Variants in TENM3 observed in about 807,000 individuals in gnomAD.
The protein encoded by TENM3 is teneurin transmembrane protein 3, also known as teneurin-3.
A neutral mutation model predicts 255.1 loss-of-function variants in TENM3; 63 were observed. That is an observed-to-expected ratio of 0.25 (90% CI 0.20 to 0.30). The LOEUF is 0.30. Ranked by LOEUF, TENM3 falls within the 10% of genes least tolerant of loss-of-function variation. The pLI is 1.00. For missense variants in TENM3, 2,929 were observed against 3,461.1 expected, an observed-to-expected ratio of 0.85 and a Z score of 3.86; for synonymous variants, 1,306 against 1,322.3, an observed-to-expected ratio of 0.99 and a Z score of 0.27.
chr4:182,156,730 C>T (rs773114526), intron 1 of TENM3, among the ~76,000 whole-genome samples: 1 of 151,454 alleles, frequency 6.6e-6, no homozygotes, highest in South Asian at 2.1e-4. Flanking sequence ...CAATAAATCT[C>T]TGCTCTGATT....
chr4:182,597,237 G>A lies in TENM3; in HGVS notation c.512-3687G>A, dbSNP rs538709244. On this transcript the variant is annotated intron_variant, in intron 3 of 27. Transcript: ENST00000511685. ...GGGCAACATAGGGAAACCCCATCTC[G>A]ACAAAATTATATTTTAAAAAAATTA... Among the ~76,000 whole-genome samples, 9 of 152,038 alleles carry A rather than the reference G, an allele frequency of 5.9e-5. No homozygotes were observed. The South Asian group carries it at 6.2e-4, about 11-fold the overall frequency.
At chr4:182,053,706 C>A in the TENM3 span, among the ~76,000 whole-genome samples, 1 of 152,194 alleles carries the variant, frequency 6.6e-6, no homozygotes, top group African/African-American at 2.4e-5. Context: ...GGGAACCCTG[C>A]TTTTGATTTA....
intron 1 of TENM3, among the ~76,000 whole-genome samples, chr4:182,225,082 C>T (rs1211187604): frequency 1.3e-5 from 2 of 152,068 alleles, no homozygotes; most frequent in African/African-American, 4.8e-5. Context: ...TATTTCACCC[C>T]CTATCCTGGC....
the TENM3 span, among the ~76,000 whole-genome samples, chr4:181,548,056 G>A: frequency 7.9e-5 from 12 of 151,806 alleles, no homozygotes; most frequent in South Asian, 6.3e-4. Context: ...GAGAATATGC[G>A]GTGTCTGTTT....
At chr4:182,425,540 G>T (rs1465841272) in intron 3 of TENM3, among the ~76,000 whole-genome samples, 2 of 152,168 alleles carry the variant, frequency 1.3e-5, no homozygotes, top group Non-Finnish European at 2.9e-5. Flanking sequence ...TGCCTTTTCT[G>T]GAGTTCCTGA....
chr4:181,734,853 G>A, the TENM3 span, among the ~76,000 whole-genome samples: 1 of 152,084 alleles, frequency 6.6e-6, no homozygotes, highest in Non-Finnish European at 1.5e-5. Flanking sequence ...CTATGGGAAT[G>A]TCAAAGAAAT....
the TENM3 span, among the ~76,000 whole-genome samples, chr4:181,633,816 T>G: frequency 6.6e-6 from 1 of 152,346 alleles, no homozygotes; most frequent in South Asian, 2.1e-4. Flanking sequence ...CAGCAGCGTT[T>G]GTTCCCCCAC....
intron 7 of TENM3, among the ~76,000 whole-genome samples, chr4:182,676,281 C>A (rs1755653999): frequency 6.6e-6 from 1 of 152,212 alleles, no homozygotes; most frequent in Non-Finnish European, 1.5e-5. Context: ...AGTTAGTGGC[C>A]TCAGGAGTCA....
the TENM3 span, among the ~76,000 whole-genome samples, chr4:182,095,341 A>G: frequency 6.6e-6 from 1 of 152,214 alleles, no homozygotes; most frequent in Non-Finnish European, 1.5e-5. Flanking sequence ...ACACACATAC[A>G]CAATGGAATA....
rs1457291187 is a variant in TENM3 at position 182,780,700 on chromosome 4, C to G, written c.5304+5547C>G. ...TTCCTACCCATGAGCATGGAATGTTCTTCCATTTGTTTGTATCCTCTTTTA... is the reference window on the plus strand; with the variant it reads ...TTCCTACCCATGAGCATGGAATGTTGTTCCATTTGTTTGTATCCTCTTTTA... On this transcript the variant is annotated intron_variant, in intron 24 of 27. Coordinates refer to ENST00000511685, the MANE Select transcript of TENM3 (RefSeq NM_001080477.4). Among the ~76,000 whole-genome samples, 3 of 150,712 alleles carry G rather than the reference C, an allele frequency of 2.0e-5. No individual in the cohort carries two copies. The East Asian group carries it at 5.9e-4, about 29-fold the overall frequency.
chr4:182,078,842 T>C, the TENM3 span, among the ~76,000 whole-genome samples: 1 of 152,106 alleles, frequency 6.6e-6, no homozygotes, highest in East Asian at 1.9e-4. Flanking sequence ...TGGAAATGAA[T>C]GGAAGAAAGC....
chr4:182,561,604 A>G (rs956795417), intron 3 of TENM3, among the ~76,000 whole-genome samples: 1 of 151,808 alleles, frequency 6.6e-6, no homozygotes, highest in African/African-American at 2.4e-5. Flanking sequence ...AAAACATACA[A>G]AAATTTTAAT....
the TENM3 span, among the ~76,000 whole-genome samples, chr4:182,013,978 G>A: frequency 4.5e-5 from 5 of 110,302 alleles, no homozygotes; most frequent in Admixed American, 9.6e-5. Flanking sequence ...GTATATATAC[G>A]TGTATATACG....
chr4:182,443,326 G>A (rs375800550), intron 3 of TENM3, among the ~76,000 whole-genome samples: 1 of 152,136 alleles, frequency 6.6e-6, no homozygotes, highest in Non-Finnish European at 1.5e-5. Context: ...ATGTGCCAGG[G>A]ATAAGCAGCA....
At chr4:181,715,869 C>T in the TENM3 span, among the ~76,000 whole-genome samples, 1 of 152,148 alleles carries the variant, frequency 6.6e-6, no homozygotes, top group African/African-American at 2.4e-5. Flanking sequence ...TTTCTTAGTG[C>T]CCCCACAGAT....
chr4:181,757,173 TGTG>T, the TENM3 span, among the ~76,000 whole-genome samples: 1 of 152,230 alleles, frequency 6.6e-6, no homozygotes, highest in Non-Finnish European at 1.5e-5. Flanking sequence ...TTTACACCCA[TGTG>T]GTTTCACAGG....
intron 1 of TENM3, chr4:182,144,785 C>T (rs1749803772): frequency 6.7e-6 from 1 of 150,064 alleles, no homozygotes; most frequent in South Asian, 2.1e-4. Flanking sequence ...GGCGCGCCCT[C>T]CTTCCTTTAT....
the TENM3 span, among the ~76,000 whole-genome samples, chr4:182,092,094 C>T: frequency 6.6e-6 from 1 of 152,198 alleles, no homozygotes; most frequent in Non-Finnish European, 1.5e-5. Context: ...AATCCCAACA[C>T]TTTGGGAGGC....
chr4:182,697,533 G>A (rs969872257), intron 12 of TENM3, among the ~76,000 whole-genome samples: 2 of 152,066 alleles, frequency 1.3e-5, no homozygotes, highest in African/African-American at 2.4e-5. Context: ...TCAGTAATAA[G>A]AAATTTGATG....
Sources: gnomAD v4.1 joint callset for allele counts (sites outside exome capture counted in the v4.1 genomes callset) on GRCh38, gnomAD v4.1.1 for gene constraint, MANE v1.5 for transcripts, NCBI Gene and HGNC (gene_info 2026-07-23, HGNC 2026-07-21) for gene names.